The following TENM4 variants were observed in gnomAD, a reference collection of about 807,000 sequenced individuals.
TENM4 encodes the protein teneurin-4.
A neutral mutation model predicts 243.3 loss-of-function variants in TENM4; 82 were observed. The observed-to-expected ratio is 0.34, with a 90% CI of 0.28 to 0.40. TENM4 has a LOEUF of 0.40. TENM4 is among the 10% of genes least tolerant of loss of function. The pLI, the probability that TENM4 is intolerant of heterozygous loss-of-function variation, is 1.00. For synonymous variants in TENM4, 1,412 were observed against 1,456.3 expected (o/e 0.97, Z 0.69); for missense variants, 3,138 against 3,673.3 (o/e 0.85, Z 3.77).
rs1857929680 is a variant in TENM4, at chr11:78,657,715, G to C, written c.*343C>G. The C allele has an allele frequency of 4.7e-6, 2 of 425,432 alleles. No homozygotes were observed. The highest frequency in any genetic ancestry group is 8.7e-6 in the Non-Finnish European group (2 of 228,980). 26.4% of individuals were successfully genotyped at this position (425,432 alleles called of 1,614,324 possible). A position where few individuals can be genotyped will look rare whatever the true frequency, so the allele number is the denominator to read the frequency against. ...GTCCCACATCACACTGGGTACCTAG[G>C]GACAGACGAGGACACACCCCAGGAG... On this transcript the variant is annotated 3_prime_UTR_variant, in exon 34 of 34. Coordinates refer to ENST00000278550, the MANE Select transcript of TENM4 (RefSeq NM_001098816.3).
chr11:79,364,308 G>A (rs4945345), intron 1 of TENM4, among the ~76,000 whole-genome samples: 11,689 of 152,154 alleles, frequency 0.077, 552 homozygotes, highest in Middle Eastern at 0.13. Context: ...AGCACCCCCC[G>A]GCCCAATGGG....
In TENM4 at chr11:78,805,277, T is replaced by TA; in HGVS notation, c.2179+14_2179+15insT. The TA allele has an allele frequency of 2.1e-6, 3 of 1,402,550 alleles. No homozygotes were observed. Among genetic ancestry groups the TA allele is most frequent in the Non-Finnish European group, 1.9e-6 (2 of 1,033,116 alleles). The allele number at this position is 1,402,550 out of a possible 1,614,324, so 86.9% of individuals were successfully genotyped here. ...CCCCTCCCTCTACCCATGCTTCTTCTCCCCCTGCATTTACCGATAGAACAG... is the reference window on the plus strand; with the variant it reads ...CCCCTCCCTCTACCCATGCTTCTTCTACCCCCTGCATTTACCGATAGAACAG... On this transcript the variant is annotated intron_variant, in intron 15 of 33. Transcript: ENST00000278550.
intron 2 of TENM4, among the ~76,000 whole-genome samples, chr11:79,247,221 A>T (rs943874628): frequency 6.6e-6 from 1 of 151,960 alleles, no homozygotes; most frequent in Non-Finnish European, 1.5e-5. Context: ...GATTGAGACC[A>T]GCCTGGCCAA....
intron 4 of TENM4, among the ~76,000 whole-genome samples, chr11:79,128,192 C>G (rs1861922243): frequency 6.6e-6 from 1 of 152,186 alleles, no homozygotes; most frequent in Non-Finnish European, 1.5e-5. Context: ...GCAGAGGCCT[C>G]TAGGATTTTA....
chr11:78,865,032 G>A (rs1474141480), intron 9 of TENM4, among the ~76,000 whole-genome samples: 17 of 152,106 alleles, frequency 1.1e-4, no homozygotes, highest in Admixed American at 1.1e-3. Flanking sequence ...CAGTATGTGG[G>A]GGAACTTGTA....
chr11:79,317,685 A>G (rs2135423175), intron 1 of TENM4, among the ~76,000 whole-genome samples: 1 of 152,330 alleles, frequency 6.6e-6, no homozygotes, highest in Non-Finnish European at 1.5e-5. Flanking sequence ...GAACTGCAGC[A>G]TGTCTGACCT....
chr11:78,730,503 T>C (rs75729596), intron 21 of TENM4, among the ~76,000 whole-genome samples: 2,748 of 152,208 alleles, frequency 0.018, 92 homozygotes, highest in African/African-American at 0.063. Context: ...CCAGCTCCAG[T>C]GCCAGATGGA....
intron 2 of TENM4, among the ~76,000 whole-genome samples, chr11:79,294,945 C>A (rs1278134768): frequency 2.0e-5 from 3 of 152,186 alleles, no homozygotes; most frequent in Admixed American, 6.5e-5. Context: ...CTGGAGCCAG[C>A]ATCTTCTATG....
intron 12 of TENM4, among the ~76,000 whole-genome samples, chr11:78,826,487 G>T (rs1267193866): frequency 6.6e-6 from 1 of 152,052 alleles, no homozygotes; most frequent in Non-Finnish European, 1.5e-5. Flanking sequence ...ATGTTGGCTT[G>T]GACTGTACCT....
intron 9 of TENM4, among the ~76,000 whole-genome samples, chr11:78,882,543 AT>A (rs961673667): frequency 3.3e-5 from 5 of 152,258 alleles, no homozygotes; most frequent in Non-Finnish European, 7.3e-5. Context: ...GTGAAACTCC[AT>A]TAAAAAGAAG....
At chr11:78,740,794 A>G (rs1855912834) in intron 19 of TENM4, among the ~76,000 whole-genome samples, 1 of 152,174 alleles carries the variant, frequency 6.6e-6, no homozygotes, top group African/African-American at 2.4e-5. Context: ...TGCTGCCCCT[A>G]ATACACATGC....
chr11:79,126,112 C>A (rs1030264640), intron 4 of TENM4, among the ~76,000 whole-genome samples: 3 of 152,124 alleles, frequency 2.0e-5, no homozygotes, highest in African/African-American at 7.2e-5. Context: ...AGTTTATTTG[C>A]TTGGTTAGCT....
chr11:78,697,759 T>G (rs1859003119), intron 28 of TENM4, among the ~76,000 whole-genome samples: 1 of 152,192 alleles, frequency 6.6e-6, no homozygotes, highest in Admixed American at 6.5e-5. Flanking sequence ...CAGGGCACTG[T>G]GGGAGGCCAG....
rs553109864 is a variant in TENM4 at position 78,703,891 on chromosome 11, A to G, written c.4210-1488T>C. 4.0e-5 allele frequency among the ~76,000 whole-genome samples: 6 copies of G among 151,216 alleles called. No individual in the cohort carries two copies. In the South Asian group the frequency reaches 1.3e-3, roughly 32 times the overall value. On this transcript the variant is annotated intron_variant, in intron 27 of 33. Transcript: ENST00000278550. ...GTGTATGACTGGGTCTCACTCTGTC[A>G]CCCGGGCTGGAGTGAAGTGGTACAA...
chr11:78,677,548 C>G (rs1055342451), intron 29 of TENM4, among the ~76,000 whole-genome samples: 6 of 152,032 alleles, frequency 3.9e-5, no homozygotes, highest in Non-Finnish European at 1.5e-5. Context: ...AGCCACCATA[C>G]CTGGCAGGTT....
At chr11:79,028,225 T>C (rs190022221) in intron 6 of TENM4, among the ~76,000 whole-genome samples, 83 of 152,320 alleles carry the variant, frequency 5.4e-4, no homozygotes, top group African/African-American at 1.8e-3. Context: ...AAGAGCCCAA[T>C]AAATATGAGT....
intron 2 of TENM4, among the ~76,000 whole-genome samples, chr11:79,259,813 G>GA (rs1401787019): frequency 3.3e-5 from 5 of 152,308 alleles, no homozygotes; most frequent in East Asian, 3.9e-4. Context: ...AATTAAAAGA[G>GA]AAAAAATCTC....
chr11:79,383,047 C>A (rs1858037644), intron 1 of TENM4, among the ~76,000 whole-genome samples: 1 of 152,134 alleles, frequency 6.6e-6, no homozygotes, highest in Non-Finnish European at 1.5e-5. Flanking sequence ...CCAACTGCAC[C>A]CTGGCCCCGC....
At chr11:78,776,490 G>A (rs1469597922) in intron 17 of TENM4, among the ~76,000 whole-genome samples, 1 of 152,170 alleles carries the variant, frequency 6.6e-6, no homozygotes, top group South Asian at 2.1e-4. Flanking sequence ...TATTTGTTGA[G>A]TAAACATTGT....
Sources: allele counts gnomAD v4.1 joint callset (sites outside exome capture counted in the v4.1 genomes callset), GRCh38; gene constraint gnomAD v4.1.1; transcripts MANE v1.5; gene names NCBI Gene and HGNC (gene_info 2026-07-23, HGNC 2026-07-21).